Variants in ING1 observed in about 807,000 individuals in gnomAD.
ING1 encodes the protein inhibitor of growth protein 1.
In ING1, 4 loss-of-function variants were observed where a neutral mutation model predicts 23.1. That is an observed-to-expected ratio of 0.17 (90% CI 0.09 to 0.40). ING1 has a LOEUF of 0.40. ING1 is among the 10% of genes least tolerant of loss of function. The probability of loss-of-function intolerance (pLI) is 1.00; values close to 1 mark genes in which losing one functional copy is unlikely to be tolerated. For synonymous variants in ING1, 179 were observed against 166.4 expected (o/e 1.08, Z -0.58); for missense variants, 256 against 393.8 (o/e 0.65, Z 2.96).
At chr13:110,715,309 G>T in intron 1 of ING1, 1 of 1,401,342 alleles carries the variant, frequency 7.1e-7, no homozygotes, top group Non-Finnish European at 9.2e-7. Flanking sequence ...CGCTATCCCC[G>T]AAAGTACTAG....
At chr13:110,717,866 G>C (rs1002035470) in intron 1 of ING1, among the ~76,000 whole-genome samples, 1 of 152,182 alleles carries the variant, frequency 6.6e-6, no homozygotes, top group Admixed American at 6.5e-5. Flanking sequence ...CTTGTTTAAA[G>C]AGACTGCAAA....
rs2064163236 is a variant in ING1 at position 110,720,472 on chromosome 13, T to G, written c.*540T>G. ...TTTACATGACAGATATTTTATCTAT[T>G]GGCCTGTTCCCCAAATGGCCATTTT... On this transcript the variant is annotated 3_prime_UTR_variant, in exon 2 of 2. Transcript: ENST00000333219. The G allele has an allele frequency of 6.0e-6, 1 of 167,120 alleles. No homozygotes were observed. Among genetic ancestry groups the G allele is most frequent in the South Asian group, 2.1e-4 (1 of 4,832 alleles). The allele number at this position is 167,120 out of a possible 1,614,324, so 10.4% of individuals were successfully genotyped here.
rs775313148 is a variant in ING1, at chr13:110,721,571, A to ATTTTTTT, written c.*1654_*1660dup. On this transcript the variant is annotated 3_prime_UTR_variant, in exon 2 of 2. Coordinates refer to ENST00000333219, the MANE Select transcript of ING1 (RefSeq NM_198219.3). ...GCCACCGTGCCCGGCTGGAGTTTTC[A>ATTTTTTT]TTTTTTTTTTTTTTTTTTTTTCTGA... is the stretch of plus-strand genomic sequence containing the variant. 1.1e-5 allele frequency: 1 copy of ATTTTTTT among 89,108 alleles called. No homozygotes were observed. Among genetic ancestry groups the ATTTTTTT allele is most frequent in the Non-Finnish European group, 2.3e-5 (1 of 43,060 alleles). The allele number at this position is 89,108 out of a possible 1,614,324, so 5.5% of individuals were successfully genotyped here. A position where few individuals can be genotyped will look rare whatever the true frequency, so the allele number is the denominator to read the frequency against.
At position 110,714,344 on chromosome 13, in the gene ING1, C is replaced by T. The variant is rs1453107676; in HGVS notation, c.136+59C>T. 8.3e-6 allele frequency: 12 copies of T among 1,443,294 alleles called. No individual in the cohort carries two copies. The African/African-American group carries it at 1.8e-4, about 21-fold the overall frequency. 89.4% of individuals were successfully genotyped at this position (1,443,294 alleles called of 1,614,324 possible). ...GCCTCCTTCCCGGCGGGTCCGGGCG[C>T]GCCGCGGAGCCGGGCCGGTCCTGCC... On this transcript the variant is annotated intron_variant, in intron 1 of 1. Coordinates refer to ENST00000333219, the MANE Select transcript of ING1 (RefSeq NM_198219.3).
upstream of ING1, chr13:110,713,470 A>AC (rs1332902019): frequency 3.0e-6 from 3 of 988,192 alleles, no homozygotes; most frequent in Non-Finnish European, 3.6e-6. Context: ...CGCCGTCCAC[A>AC]CCCCAGCGGC....
At chr13:110,717,700 G>T (rs2064135952) in intron 1 of ING1, among the ~76,000 whole-genome samples, 1 of 152,174 alleles carries the variant, frequency 6.6e-6, no homozygotes, top group African/African-American at 2.4e-5. Flanking sequence ...GGTATTACAT[G>T]CCTGTAATCC....
At chr13:110,716,164 G>GA (rs986335796) in intron 1 of ING1, among the ~76,000 whole-genome samples, 6 of 152,258 alleles carry the variant, frequency 3.9e-5, no homozygotes, top group African/African-American at 1.4e-4. Context: ...TTCGACGATA[G>GA]AAAAAAGTAG....
intron 1 of ING1, among the ~76,000 whole-genome samples, chr13:110,717,361 A>G (rs2064132343): frequency 6.6e-6 from 1 of 152,198 alleles, no homozygotes; most frequent in Non-Finnish European, 1.5e-5. Flanking sequence ...TAGTTTGAGA[A>G]TATACTCTGG....
At chr13:110,713,533 G>C, upstream of ING1, 1 of 986,334 alleles carries the variant, frequency 1.0e-6, no homozygotes, top group Non-Finnish European at 1.2e-6. Context: ...GACAGGCAAG[G>C]CCACGCCCCC....
chr13:110,713,261 G>C (rs560975379), upstream of ING1: 1 of 1,342,610 alleles, frequency 7.4e-7, no homozygotes. Context: ...CGGGGACGAA[G>C]AGTCAGGGGC....
At position 110,719,499 on chromosome 13, in the gene ING1, G is replaced by A; in HGVS notation, c.407G>A (p.Gly136Asp). 6.2e-7 allele frequency: 1 copy of A among 1,612,158 alleles called. No homozygotes were observed. The highest frequency in any genetic ancestry group is 8.5e-7 in the Non-Finnish European group (1 of 1,179,270). Residue 136 changes from glycine (G) to aspartate (D), a missense_variant, in exon 2 of 2, where the codon GGC becomes GAC. This residue lies in a region of ING1 where 209 missense variants were observed against 273.8 expected (regional missense o/e 0.76). Coordinates refer to ENST00000333219, the MANE Select transcript of ING1 (RefSeq NM_198219.3). This position sits in a 1 kb window ranked among gnomAD's most constrained non-coding sequence, Gnocchi z 8.9. ...SGKAGADRPKGEAAAQADKPN... is the reference protein window; with the variant it reads ...SGKAGADRPKDEAAAQADKPN... ...AAGGCTGGCGCGGACAGGCCCAAAGGCGAGGCGGCAGCGCAGGCTGACAAG... is the reference window on the plus strand; with the variant it reads ...AAGGCTGGCGCGGACAGGCCCAAAGACGAGGCGGCAGCGCAGGCTGACAAG...
chr13:110,715,321 C>G (rs1307634436), intron 1 of ING1: 8 of 1,433,392 alleles, frequency 5.6e-6, no homozygotes, highest in Non-Finnish European at 7.3e-6. Flanking sequence ...AAGTACTAGA[C>G]GCCTCTGCCG....
upstream of ING1, chr13:110,713,612 G>C (rs2064067016): frequency 3.0e-6 from 3 of 985,628 alleles, no homozygotes; most frequent in South Asian, 9.3e-5. Flanking sequence ...GCGGCGGGGG[G>C]CGGGGCCGTT....
At chr13:110,715,820 C>G (rs1040483623) in intron 1 of ING1, 1 of 1,586,458 alleles carries the variant, frequency 6.3e-7, no homozygotes, top group Non-Finnish European at 8.5e-7. Context: ...TCGCCCCGGC[C>G]CCTCTCCCCG....
rs2064177523 is a variant in ING1, at chr13:110,722,342, G to C, written c.*2410G>C. The C allele has an allele frequency of 6.6e-6, 1 of 152,216 alleles. No homozygotes were observed. 9.4% of individuals were successfully genotyped at this position (152,216 alleles called of 1,614,324 possible). On this transcript the variant is annotated 3_prime_UTR_variant, in exon 2 of 2. Transcript: ENST00000333219. ...AACTAAAATACTTAATAAACATCCAGTGACAATAAAAATAGCTTGAGTCTT... is the reference window on the plus strand; with the variant it reads ...AACTAAAATACTTAATAAACATCCACTGACAATAAAAATAGCTTGAGTCTT...
At chr13:110,715,456 G>A in intron 1 of ING1, 3 of 1,598,942 alleles carry the variant, frequency 1.9e-6, no homozygotes, top group East Asian at 2.2e-5. Context: ...GTCCTTCGTG[G>A]AATGTCCTTA....
rs1051328568 is a variant in ING1 at position 110,713,964 on chromosome 13, G to C, written c.-186G>C. On this transcript the variant is annotated 5_prime_UTR_variant, in exon 1 of 2. Transcript: ENST00000333219. ...CGCGGCCCGCGCCCTCAGGCGCTGG[G>C]GTCCCCGCGGACCCGGAGGCGGCGG... 2.0e-5 allele frequency: 21 copies of C among 1,050,312 alleles called. No homozygotes were observed. In the African/African-American group the frequency reaches 3.6e-4, roughly 18 times the overall value. 65.1% of individuals were successfully genotyped at this position (1,050,312 alleles called of 1,614,324 possible).
Position 110,719,118 on chromosome 13 carries a change from C to A in ING1, c.137-111C>A. On this transcript the variant is annotated intron_variant, in intron 1 of 1. Transcript: ENST00000333219. The surrounding 1 kb of genome is among the most constrained non-coding windows in gnomAD (Gnocchi z 8.9). ...CTGGTGGGCTTTGTTCTGGGCAAGCCGTGCGCTGGCCCCTAGGCTCCCTGC... is the reference window on the plus strand; with the variant it reads ...CTGGTGGGCTTTGTTCTGGGCAAGCAGTGCGCTGGCCCCTAGGCTCCCTGC... The A allele has an allele frequency of 4.0e-6, 4 of 993,416 alleles. No individual in the cohort carries two copies. The highest frequency in any genetic ancestry group is 5.9e-6 in the Non-Finnish European group (4 of 674,478). 61.5% of individuals were successfully genotyped at this position (993,416 alleles called of 1,614,324 possible).
intron 1 of ING1, chr13:110,715,770 C>T: frequency 1.3e-6 from 2 of 1,586,686 alleles, no homozygotes; most frequent in South Asian, 2.2e-5. Context: ...GGCGAGTCTC[C>T]CGCTGGCCTC....
Sources: allele counts gnomAD v4.1 joint callset (sites outside exome capture counted in the v4.1 genomes callset), GRCh38; gene constraint gnomAD v4.1.1; regional missense constraint gnomAD v4.1.1; non-coding constraint Gnocchi (gnomAD v3.1); transcripts MANE v1.5; gene names NCBI Gene and HGNC (gene_info 2026-07-23, HGNC 2026-07-21).